SLCO5A1: variants seen among roughly 807,000 people sequenced by gnomAD.
The protein encoded by SLCO5A1 is organic anion transporter polypeptide-related protein 4.
In SLCO5A1, 39 loss-of-function variants were observed where a neutral mutation model predicts 65.1. The ratio of observed to expected loss-of-function variants is 0.60; its 90% confidence interval spans 0.46 to 0.78. The LOEUF (loss-of-function observed/expected upper bound fraction) is 0.78. SLCO5A1 is among the 30% of genes least tolerant of loss of function. The probability of loss-of-function intolerance (pLI) is 0.00; values close to 1 mark genes in which losing one functional copy is unlikely to be tolerated. For synonymous variants in SLCO5A1, 438 were observed against 415.7 expected, an observed-to-expected ratio of 1.05 and a Z score of -0.65; for missense variants, 1,029 against 1,069.4, an observed-to-expected ratio of 0.96 and a Z score of 0.53.
chr8:69,761,872 A>G lies in SLCO5A1; in HGVS notation c.911T>C (p.Ile304Thr), dbSNP rs756377098. 13 of 1,611,788 alleles carry G rather than the reference A, an allele frequency of 8.1e-6. No homozygotes were observed. The highest frequency in any genetic ancestry group is 1.7e-5 in the Admixed American group (1 of 59,538). Residue 304 changes from isoleucine (I) to threonine (T), a missense_variant, in exon 3 of 10, where the codon ATC becomes ACC. Physicochemically the swap from Ile to Thr is moderately conservative, Grantham distance 89. This residue lies in a region of SLCO5A1 where 647 missense variants were observed against 647.5 expected (regional missense o/e 1.00). Coordinates refer to ENST00000260126, the MANE Select transcript of SLCO5A1 (RefSeq NM_030958.3). ...KKENSSLYLA[I>T]MYVMGALGPA... ...GCCAAGTGCTCCCATGACATACATG[A>G]TGGCTGAGAAGACAGAAGGGGAAAT...
At chr8:69,757,036 T>C (rs981344963) in intron 3 of SLCO5A1, among the ~76,000 whole-genome samples, 1 of 152,260 alleles carries the variant, frequency 6.6e-6, no homozygotes, top group African/African-American at 2.4e-5. Context: ...GGTAAGACTA[T>C]AGATCCATTG....
intron 9 of SLCO5A1, among the ~76,000 whole-genome samples, chr8:69,675,366 G>A (rs1813507108): frequency 6.6e-6 from 1 of 151,720 alleles, no homozygotes; most frequent in African/African-American, 2.4e-5. Flanking sequence ...TAGTAGAGAT[G>A]GGGTTTCGTC....
intron 9 of SLCO5A1, among the ~76,000 whole-genome samples, chr8:69,675,322 G>C: frequency 6.6e-6 from 1 of 151,482 alleles, no homozygotes; most frequent in East Asian, 2.0e-4. Flanking sequence ...TTACAGGTAG[G>C]CACCACCACA....
intron 2 of SLCO5A1, among the ~76,000 whole-genome samples, chr8:69,806,646 C>T (rs902183785): frequency 7.2e-5 from 11 of 152,204 alleles, no homozygotes; most frequent in African/African-American, 2.4e-4. Context: ...GATCCACCTC[C>T]ACTCCCTTCC....
intron 6 of SLCO5A1, among the ~76,000 whole-genome samples, chr8:69,694,857 C>G (rs1478315827): frequency 6.6e-6 from 1 of 152,122 alleles, no homozygotes; most frequent in Non-Finnish European, 1.5e-5. Flanking sequence ...CACTCTTAGT[C>G]AGGTTACTTG....
In SLCO5A1 at chr8:69,682,628, C is replaced by A. The variant is rs142556128; in HGVS notation, c.1623-285G>T. ...CTTGGTGCTATGAACCTGGTCTCAA[C>A]ATCTGGGCTCTGCAATTCCAACCCT... is the stretch of plus-strand genomic sequence containing the variant. On this transcript the variant is annotated intron_variant, in intron 6 of 9. Transcript: ENST00000260126. 6.0e-4 allele frequency among the ~76,000 whole-genome samples: 92 copies of A among 152,308 alleles called. 1 individual carries two copies. In the East Asian group the frequency reaches 0.016, roughly 26 times the overall value.
chr8:69,704,261 C>T (rs1234530571), intron 6 of SLCO5A1, among the ~76,000 whole-genome samples: 1 of 152,168 alleles, frequency 6.6e-6, no homozygotes, highest in African/African-American at 2.4e-5. Flanking sequence ...TACATGTGAT[C>T]AGTACCTCCG....
chr8:69,774,020 A>G (rs940702504), intron 2 of SLCO5A1, among the ~76,000 whole-genome samples: 1 of 152,222 alleles, frequency 6.6e-6, no homozygotes, highest in Non-Finnish European at 1.5e-5. Context: ...ATATTTGTTC[A>G]TTATCTGCCT....
rs182758518 is a variant in SLCO5A1 at position 69,696,618 on chromosome 8, A to G, written c.1622+8413T>C. 1.6e-3 allele frequency among the ~76,000 whole-genome samples: 246 copies of G among 152,312 alleles called. 1 individual carries two copies. Among genetic ancestry groups the G allele is most frequent in the African/African-American group, 5.5e-3 (228 of 41,578 alleles). ...TAAACTTCTACTCTAGATGTTGAGAACTCTGAATAAAATCCCCTCATTCTT... is the reference window on the plus strand; with the variant it reads ...TAAACTTCTACTCTAGATGTTGAGAGCTCTGAATAAAATCCCCTCATTCTT... On this transcript the variant is annotated intron_variant, in intron 6 of 9. Transcript: ENST00000260126.
At position 69,736,260 on chromosome 8, in the gene SLCO5A1, C is replaced by A. The variant is rs114592858; in HGVS notation, c.1423+1780G>T. On this transcript the variant is annotated intron_variant, in intron 5 of 9. Coordinates refer to ENST00000260126, the MANE Select transcript of SLCO5A1 (RefSeq NM_030958.3). ...CTGCTGTGGAAGTCTGCAGCCGTCACCCCAGCTCCAACTGAACCCTTTATT... is the reference window on the plus strand; with the variant it reads ...CTGCTGTGGAAGTCTGCAGCCGTCAACCCAGCTCCAACTGAACCCTTTATT... Among the ~76,000 whole-genome samples, 265 of 152,348 alleles carry A rather than the reference C, an allele frequency of 1.7e-3. 1 individual carries two copies. Among genetic ancestry groups the A allele is most frequent in the African/African-American group, 5.6e-3 (231 of 41,578 alleles).
At chr8:69,760,379 GA>G (rs1422539113) in intron 3 of SLCO5A1, among the ~76,000 whole-genome samples, 3 of 152,114 alleles carry the variant, frequency 2.0e-5, no homozygotes, top group African/African-American at 7.2e-5. Flanking sequence ...CATTACTTAT[GA>G]AAATAGGAAG....
chr8:69,762,006 G>A, intron 2 of SLCO5A1, 131 bp from the exon 3 acceptor site: 1 of 1,083,118 alleles, frequency 9.2e-7, no homozygotes, highest in Non-Finnish European at 1.3e-6. Flanking sequence ...GGAGACCTTT[G>A]GAGATTTGTG....
intron 6 of SLCO5A1, among the ~76,000 whole-genome samples, chr8:69,683,107 G>A (rs1813852549): frequency 1.3e-5 from 2 of 152,056 alleles, no homozygotes; most frequent in African/African-American, 4.8e-5. Context: ...AATATAGAGG[G>A]AAGGAAAGGC....
chr8:69,675,079 T>G lies in SLCO5A1; in HGVS notation c.2089+1530A>C, dbSNP rs151323203. Among the ~76,000 whole-genome samples, 1,330 of 151,960 alleles carry G rather than the reference T, an allele frequency of 8.8e-3. 17 individuals carry two copies. The highest frequency in any genetic ancestry group is 0.03 in the African/African-American group (1,262 of 41,454). ...ATATATATATACATATATATTTCTTTTCTTATTCAATTACCCCTTTGGTTA... is the reference window on the plus strand; with the variant it reads ...ATATATATATACATATATATTTCTTGTCTTATTCAATTACCCCTTTGGTTA... On this transcript the variant is annotated intron_variant, in intron 9 of 9. Transcript: ENST00000260126.
intron 2 of SLCO5A1, among the ~76,000 whole-genome samples, chr8:69,821,225 G>A (rs948642146): frequency 6.6e-6 from 1 of 152,024 alleles, no homozygotes; most frequent in African/African-American, 2.4e-5. Context: ...TGGGCATGGT[G>A]GCGCACCCCT....
intron 5 of SLCO5A1, among the ~76,000 whole-genome samples, chr8:69,716,547 T>C (rs369867514): frequency 5.9e-5 from 9 of 152,348 alleles, no homozygotes; most frequent in African/African-American, 1.7e-4. Flanking sequence ...ATTGTGGTTT[T>C]GATTTGCATA....
At chr8:69,687,644 T>G (rs2959587) in intron 6 of SLCO5A1, among the ~76,000 whole-genome samples, 57,028 of 151,886 alleles carry the variant, frequency 0.38, 10,774 homozygotes, top group South Asian at 0.55. Context: ...ATTAAACTCA[T>G]GCATAGTGCT....
At chr8:69,799,336 A>G (rs1417736938) in intron 2 of SLCO5A1, among the ~76,000 whole-genome samples, 2 of 152,198 alleles carry the variant, frequency 1.3e-5, no homozygotes, top group Non-Finnish European at 2.9e-5. Flanking sequence ...AACTTTGCCC[A>G]TTGTCTCAAG....
chr8:69,683,600 T>C (rs556377149), intron 6 of SLCO5A1, among the ~76,000 whole-genome samples: 40 of 151,418 alleles, frequency 2.6e-4, no homozygotes, highest in African/African-American at 9.2e-4. Context: ...TCTCACTCTG[T>C]CGCCCAGGCT....
Sources: gnomAD v4.1 joint callset for allele counts (sites outside exome capture counted in the v4.1 genomes callset) on GRCh38, gnomAD v4.1.1 for gene constraint, gnomAD v4.1.1 regional missense constraint, MANE v1.5 for transcripts, NCBI Gene and HGNC (gene_info 2026-07-23, HGNC 2026-07-21) for gene names.